The following SH3D19 variants were observed in gnomAD, a reference collection of about 807,000 sequenced individuals.
SH3D19 encodes the protein SH3 domain containing 19, also known as SH3 domain-containing protein 19.
Under a neutral mutation model 112.1 loss-of-function variants are expected in SH3D19, and 58 were observed. That is an observed-to-expected ratio of 0.52 (90% CI 0.42 to 0.64). SH3D19 has a LOEUF of 0.64. Ranked by LOEUF, SH3D19 falls within the 30% of genes least tolerant of loss-of-function variation. SH3D19 has a pLI of 0.00. For missense variants in SH3D19, 1,090 were observed against 1,263.4 expected (o/e 0.86, Z 2.08); for synonymous variants, 391 against 448.5 (o/e 0.87, Z 1.62).
intron 12 of SH3D19, chr4:151,140,729 T>C (rs1276656480): frequency 2.0e-5 from 3 of 152,242 alleles, no homozygotes; most frequent in Non-Finnish European, 4.4e-5. Flanking sequence ...TTTGTGCCCT[T>C]TCTTGTCTCT....
At chr4:151,195,881 A>G (rs369001400) in intron 2 of SH3D19, among the ~76,000 whole-genome samples, 33 of 151,694 alleles carry the variant, frequency 2.2e-4, no homozygotes, top group East Asian at 1.5e-3. Context: ...ATCCAGTTAC[A>G]CCCTACTTAA....
At chr4:151,255,556 C>A (rs1580338438) in intron 1 of SH3D19, among the ~76,000 whole-genome samples, 1 of 148,682 alleles carries the variant, frequency 6.7e-6, no homozygotes, top group African/African-American at 2.5e-5. Flanking sequence ...GGCAGCCAGG[C>A]AGAGGGGCTC....
chr4:151,198,604 T>C (rs1409507148), intron 2 of SH3D19, among the ~76,000 whole-genome samples: 2 of 151,594 alleles, frequency 1.3e-5, no homozygotes, highest in African/African-American at 2.4e-5. Flanking sequence ...ATTACATTTC[T>C]AGCTTTTCAC....
Position 151,145,549 on chromosome 4 carries a change from C to A in SH3D19, c.2083-1499G>T, listed in dbSNP as rs1753780895. On this transcript the variant is annotated intron_variant, in intron 11 of 19. Coordinates refer to ENST00000604030, the MANE Select transcript of SH3D19 (RefSeq NM_001378122.1). ...ACCCAAATCCTTTAAAACTGCCCCA[C>A]TCCTGTCTCCCTTTGCTGACTCCTT... 2.0e-5 allele frequency among the ~76,000 whole-genome samples: 3 copies of A among 152,340 alleles called. No individual in the cohort carries two copies. The East Asian group carries it at 5.8e-4, about 29-fold the overall frequency.
Position 151,200,154 on chromosome 4 carries a change from T to C in SH3D19, c.153-12691A>G, listed in dbSNP as rs1469147985. On this transcript the variant is annotated intron_variant, in intron 2 of 19. Coordinates refer to ENST00000604030, the MANE Select transcript of SH3D19 (RefSeq NM_001378122.1). ...CCTCGAGAAGTGTGGATTTTTTTGT[T>C]TGTTTGTCATTTATAAGCCACCTGG... Among the ~76,000 whole-genome samples the C allele has an allele frequency of 3.3e-5, 5 of 152,272 alleles. No homozygotes were observed. The South Asian group carries it at 6.2e-4, about 19-fold the overall frequency.
intron 16 of SH3D19, among the ~76,000 whole-genome samples, chr4:151,132,622 T>G (rs1371334091): frequency 2.6e-5 from 4 of 152,206 alleles, no homozygotes; most frequent in African/African-American, 9.7e-5. Context: ...ATAGTTCATT[T>G]CTGTTTAAAA....
chr4:151,136,294 C>T (rs774046295), intron 14 of SH3D19, among the ~76,000 whole-genome samples: 2 of 151,902 alleles, frequency 1.3e-5, no homozygotes, highest in African/African-American at 2.4e-5. Context: ...ACTACACACG[C>T]GTAACACCAT....
chr4:151,254,391 G>A lies in SH3D19; in HGVS notation c.113-28305C>T, dbSNP rs536505682. 9.0e-3 allele frequency among the ~76,000 whole-genome samples: 1,350 copies of A among 149,952 alleles called. 14 individuals carry two copies. The highest frequency in any genetic ancestry group is 0.024 in the Middle Eastern group (7 of 294). On this transcript the variant is annotated intron_variant, in intron 1 of 19. Transcript: ENST00000604030. ...CAGAGGGGGATTTGGCAGGGTCATA[G>A]GACAATAGTGGAGGGAAGGTCAGCA...
intron 8 of SH3D19, among the ~76,000 whole-genome samples, chr4:151,162,001 C>T (rs1009597788): frequency 6.6e-6 from 1 of 151,702 alleles, no homozygotes; most frequent in African/African-American, 2.4e-5. Context: ...TAAAATTTTA[C>T]TTTAAGTTCT....
intron 7 of SH3D19, among the ~76,000 whole-genome samples, chr4:151,168,354 T>C (rs1758460396): frequency 6.6e-6 from 1 of 152,000 alleles, no homozygotes; most frequent in Non-Finnish European, 1.5e-5. Flanking sequence ...TTTGAATAGT[T>C]CTTCCAATAA....
At chr4:151,231,376 C>T (rs1389982867) in intron 1 of SH3D19, among the ~76,000 whole-genome samples, 1 of 152,072 alleles carries the variant, frequency 6.6e-6, no homozygotes, top group Non-Finnish European at 1.5e-5. Flanking sequence ...GTATATACTT[C>T]AAGCATATAT....
At chr4:151,294,469 C>T (rs1775563491) in intron 1 of SH3D19, among the ~76,000 whole-genome samples, 1 of 152,228 alleles carries the variant, frequency 6.6e-6, no homozygotes. Context: ...CATGATCTCA[C>T]TATCTTCATC....
chr4:151,124,440 C>A (rs986668480), intron 19 of SH3D19, among the ~76,000 whole-genome samples: 3 of 148,290 alleles, frequency 2.0e-5, no homozygotes, highest in Non-Finnish European at 4.5e-5. Flanking sequence ...TAGTTTTGGC[C>A]GGGTGCAGTG....
intron 2 of SH3D19, among the ~76,000 whole-genome samples, chr4:151,210,117 G>GAAATAT (rs1348632567): frequency 6.6e-6 from 1 of 151,950 alleles, no homozygotes; most frequent in African/African-American, 2.4e-5. Context: ...AAGATAATTT[G>GAAATAT]GTAGTATATA....
Position 151,174,864 on chromosome 4 carries a change from G to A in SH3D19, c.1340C>T (p.Pro447Leu). 1 of 1,605,826 alleles carries A rather than the reference G, an allele frequency of 6.2e-7. No homozygotes were observed. The highest frequency in any genetic ancestry group is 1.1e-5 in the South Asian group (1 of 89,566). Residue 447 changes from proline to leucine, a missense_variant, in exon 7 of 20, where the codon CCT becomes CTT. Pro to Leu is a moderately conservative substitution (Grantham distance 98, BLOSUM62 -3). Coordinates refer to ENST00000604030, the MANE Select transcript of SH3D19 (RefSeq NM_001378122.1). ...PSAPLKPVTV[P>L]PRLAGASQAK... ...TTGTGATGCCCCTGCGAGTCGGGGAGGAACAGTGACAGGTTTCAGTGGAGC... is the reference window on the plus strand; with the variant it reads ...TTGTGATGCCCCTGCGAGTCGGGGAAGAACAGTGACAGGTTTCAGTGGAGC...
intron 1 of SH3D19, among the ~76,000 whole-genome samples, chr4:151,275,845 ATTATT>A (rs1183864333): frequency 7.2e-5 from 7 of 97,416 alleles, no homozygotes; most frequent in African/African-American, 2.6e-4. Flanking sequence ...TATTATTATT[ATTATT>A]TTTTTTTTTT....
chr4:151,244,868 G>A (rs562185497), intron 1 of SH3D19, among the ~76,000 whole-genome samples: 2 of 152,294 alleles, frequency 1.3e-5, no homozygotes, highest in African/African-American at 4.8e-5. Context: ...AAATAATTGG[G>A]TGCAGTGGCT....
chr4:151,208,990 A>C (rs578250813), intron 2 of SH3D19, among the ~76,000 whole-genome samples: 2 of 152,178 alleles, frequency 1.3e-5, no homozygotes, highest in South Asian at 4.1e-4. Flanking sequence ...AAATCTCTTT[A>C]ATATACATCT....
chr4:151,186,893 C>T (rs368746893), intron 3 of SH3D19, among the ~76,000 whole-genome samples: 42 of 149,144 alleles, frequency 2.8e-4, no homozygotes, highest in African/African-American at 1.0e-3. Flanking sequence ...CTCCCGGGTT[C>T]ACGCCATTCT....
Sources: gnomAD v4.1 joint callset for allele counts (sites outside exome capture counted in the v4.1 genomes callset) on GRCh38, gnomAD v4.1.1 for gene constraint, MANE v1.5 for transcripts, NCBI Gene and HGNC (gene_info 2026-07-23, HGNC 2026-07-21) for gene names.